The following LCOR variants were observed in gnomAD, a reference collection of about 807,000 sequenced individuals.
LCOR encodes ligand dependent nuclear receptor corepressor.
Under a neutral mutation model 64.4 loss-of-function variants are expected in LCOR, and 14 were observed. The ratio of observed to expected loss-of-function variants is 0.22; its 90% CI spans 0.14 to 0.34. The LOEUF is 0.34. Among genes scored for constraint, LCOR ranks in the 10% least tolerant of loss-of-function variants. The pLI is 1.00. For synonymous variants in LCOR, 643 were observed against 642.5 expected (o/e 1.00, Z -0.01); for missense variants, 1,686 against 1,765.3 (o/e 0.96, Z 0.80).
At chr10:96,845,629 G>A (rs929560454) in intron 2 of LCOR, among the ~76,000 whole-genome samples, 2 of 150,876 alleles carry the variant, frequency 1.3e-5, no homozygotes, top group African/African-American at 2.4e-5. Flanking sequence ...CACCTCGCCC[G>A]GCTAATTTTT....
At chr10:96,920,680 ATATATG>A (rs1564626407) in intron 4 of LCOR, among the ~76,000 whole-genome samples, 2 of 136,904 alleles carry the variant, frequency 1.5e-5, no homozygotes, top group African/African-American at 6.5e-5. Context: ...GTATATATTC[ATATATG>A]TGTATATATG....
chr10:96,847,686 C>T (rs1845656223), intron 2 of LCOR, among the ~76,000 whole-genome samples: 1 of 152,182 alleles, frequency 6.6e-6, no homozygotes, highest in African/African-American at 2.4e-5. Flanking sequence ...AGGTGATCTG[C>T]CTACCTTGGC....
At chr10:96,860,053 G>C (rs1390740536) in intron 2 of LCOR, among the ~76,000 whole-genome samples, 1 of 152,134 alleles carries the variant, frequency 6.6e-6, no homozygotes, top group Non-Finnish European at 1.5e-5. Flanking sequence ...AAGGAGAAGA[G>C]TGGTTCTTCA....
chr10:96,903,684 C>T (rs1256999386), intron 2 of LCOR, among the ~76,000 whole-genome samples: 1 of 152,136 alleles, frequency 6.6e-6, no homozygotes, highest in Non-Finnish European at 1.5e-5. Context: ...TATTCTGTTA[C>T]TTTTTATAAC....
chr10:96,924,855 A>T (rs971058611), intron 4 of LCOR, among the ~76,000 whole-genome samples: 3 of 152,122 alleles, frequency 2.0e-5, no homozygotes, highest in Admixed American at 2.0e-4. Context: ...TAGTTTCCAA[A>T]GTCAGGAAAG....
intron 7 of LCOR, among the ~76,000 whole-genome samples, chr10:96,954,280 G>C (rs1847728656): frequency 6.6e-6 from 1 of 152,046 alleles, no homozygotes; most frequent in South Asian, 2.1e-4. Context: ...TAATGCAGTG[G>C]GTCTTTTGGT....
chr10:96,868,970 A>G (rs752150651), intron 2 of LCOR, among the ~76,000 whole-genome samples: 16 of 152,138 alleles, frequency 1.1e-4, no homozygotes, highest in Non-Finnish European at 1.8e-4. Flanking sequence ...CAGTGGTACA[A>G]TCTTGGCTTA....
chr10:96,873,409 A>G (rs1041596203), intron 2 of LCOR, among the ~76,000 whole-genome samples: 1 of 152,072 alleles, frequency 6.6e-6, no homozygotes, highest in African/African-American at 2.4e-5. Flanking sequence ...TTTTCCCTGA[A>G]TTGCTGAGTT....
intron 4 of LCOR, among the ~76,000 whole-genome samples, chr10:96,917,852 G>T (rs1169193859): frequency 6.6e-6 from 1 of 152,198 alleles, no homozygotes; most frequent in East Asian, 1.9e-4. Context: ...TTCCATCCCA[G>T]ATGGCTTGGC....
intron 4 of LCOR, among the ~76,000 whole-genome samples, chr10:96,937,837 A>G (rs1589668040): frequency 6.6e-6 from 1 of 152,262 alleles, no homozygotes; most frequent in Admixed American, 6.5e-5. Flanking sequence ...GCACAAAAAA[A>G]TCCTCAACAA....
Position 96,987,875 on chromosome 10 carries a change from C to T in LCOR, c.*2741C>T, listed in dbSNP as rs892237575. On this transcript the variant is annotated 3_prime_UTR_variant, in exon 8 of 8. Coordinates refer to ENST00000421806, the MANE Select transcript of LCOR (RefSeq NM_001346516.2). ...ATTGTTTTCCCTACCTTGCAAAAACCTTCTTCCCAGAGCCATCTTCAAGAA... is the reference window on the plus strand; with the variant it reads ...ATTGTTTTCCCTACCTTGCAAAAACTTTCTTCCCAGAGCCATCTTCAAGAA... 1 of 152,216 alleles carries T rather than the reference C, an allele frequency of 6.6e-6. No individual in the cohort carries two copies. Among genetic ancestry groups the T allele is most frequent in the African/African-American group, 2.4e-5 (1 of 41,446 alleles). 9.4% of individuals were successfully genotyped at this position (152,216 alleles called of 1,614,324 possible).
chr10:96,966,026 A>G (rs1173803691), intron 7 of LCOR, among the ~76,000 whole-genome samples: 4 of 152,026 alleles, frequency 2.6e-5, no homozygotes, highest in Non-Finnish European at 2.9e-5. Context: ...CTATTTAAAG[A>G]AAGGACTTTT....
chr10:96,963,075 C>T lies in LCOR; in HGVS notation c.332+10879C>T, dbSNP rs1847905607. The T allele has an allele frequency of 2.0e-5, 3 of 152,208 alleles. No homozygotes were observed. In the South Asian group the frequency reaches 6.2e-4, roughly 32 times the overall value. The allele number at this position is 152,208 out of a possible 1,614,324, so 9.4% of individuals were successfully genotyped here. A position where few individuals can be genotyped will look rare whatever the true frequency, so the allele number is the denominator to read the frequency against. On this transcript the variant is annotated intron_variant, in intron 7 of 7. Coordinates refer to ENST00000421806, the MANE Select transcript of LCOR (RefSeq NM_001346516.2). ...ACTTAAAAAACTCAGTTCAGGTATC[C>T]AGGTATAACTCAGCCAAACAGATTT... is the stretch of plus-strand genomic sequence containing the variant.
chr10:96,853,889 G>A (rs1357738784), intron 2 of LCOR, among the ~76,000 whole-genome samples: 1 of 152,170 alleles, frequency 6.6e-6, no homozygotes, highest in Non-Finnish European at 1.5e-5. Context: ...ATGAATGCAA[G>A]CAGGGAAATG....
chr10:96,945,692 G>A (rs762831419), intron 5 of LCOR, among the ~76,000 whole-genome samples: 4 of 152,086 alleles, frequency 2.6e-5, no homozygotes, highest in Non-Finnish European at 5.9e-5. Flanking sequence ...TCTCCTGAAG[G>A]ATGTACACAG....
At chr10:96,947,612 G>A (rs1295133594) in intron 5 of LCOR, among the ~76,000 whole-genome samples, 2 of 152,122 alleles carry the variant, frequency 1.3e-5, no homozygotes, top group East Asian at 1.9e-4. Context: ...AACCTCAAAA[G>A]TGTGGTGGGA....
rs1848192579 is a variant in LCOR at position 96,990,717 on chromosome 10, G to C, written c.*5583G>C. On this transcript the variant is annotated 3_prime_UTR_variant, in exon 8 of 8. Transcript: ENST00000421806. ...CTTGGGATTGAACCGAAGCTGCTCA[G>C]TTCCTTCCACTTACCTCCTCTCTGT... is the stretch of plus-strand genomic sequence containing the variant. 1 of 152,374 alleles carries C rather than the reference G, an allele frequency of 6.6e-6. No individual in the cohort carries two copies. Among genetic ancestry groups the C allele is most frequent in the East Asian group, 1.9e-4 (1 of 5,202 alleles). The allele number at this position is 152,374 out of a possible 1,614,324, so 9.4% of individuals were successfully genotyped here.
chr10:96,895,600 C>T (rs1483823855), intron 2 of LCOR, among the ~76,000 whole-genome samples: 3 of 152,352 alleles, frequency 2.0e-5, no homozygotes, highest in African/African-American at 7.2e-5. Context: ...CCAGTCTCCT[C>T]ACCGTGGACT....
intron 5 of LCOR, among the ~76,000 whole-genome samples, chr10:96,946,038 A>C (rs1357980641): frequency 6.6e-6 from 1 of 151,950 alleles, no homozygotes; most frequent in East Asian, 1.9e-4. Flanking sequence ...CTGAAATTGT[A>C]AGTTGAGTTT....
Sources: gnomAD v4.1 joint callset for allele counts (sites outside exome capture counted in the v4.1 genomes callset) on GRCh38, gnomAD v4.1.1 for gene constraint, MANE v1.5 for transcripts, NCBI Gene and HGNC (gene_info 2026-07-23, HGNC 2026-07-21) for gene names.